Variants in TRAF2 observed in about 807,000 individuals in gnomAD.
The protein encoded by TRAF2 is TNF receptor-associated factor 2.
Under a neutral mutation model 55.6 loss-of-function variants are expected in TRAF2, and 6 were observed. That is an observed-to-expected ratio of 0.11 (90% CI 0.06 to 0.21). The LOEUF (loss-of-function observed/expected upper bound fraction) is 0.21, where lower values mean the gene tolerates loss of function less well. Ranked by LOEUF, TRAF2 falls within the 10% of genes least tolerant of loss-of-function variation. The probability of loss-of-function intolerance (pLI) is 1.00; values close to 1 mark genes in which losing one functional copy is unlikely to be tolerated. For missense variants in TRAF2, 561 were observed against 684.5 expected, an observed-to-expected ratio of 0.82 and a Z score of 2.01; for synonymous variants, 329 against 276.3, an observed-to-expected ratio of 1.19 and a Z score of -1.89.
chr9:136,912,978 C>G (rs1391776866), intron 6 of TRAF2, among the ~76,000 whole-genome samples: 5 of 152,124 alleles, frequency 3.3e-5, no homozygotes, highest in Admixed American at 3.3e-4. Context: ...ACTAAAAATA[C>G]AAAAATTAGC....
At chr9:136,897,402 G>A (rs1849704134) in intron 1 of TRAF2, among the ~76,000 whole-genome samples, 1 of 152,238 alleles carries the variant, frequency 6.6e-6, no homozygotes, top group Admixed American at 6.5e-5. Flanking sequence ...TGCCAGGGCA[G>A]GGCTGGCACA....
intron 6 of TRAF2, among the ~76,000 whole-genome samples, chr9:136,910,993 G>A (rs541361585): frequency 9.8e-5 from 15 of 152,332 alleles, no homozygotes; most frequent in Non-Finnish European, 1.5e-4. Flanking sequence ...CCTGGGGCCC[G>A]TGTCTGTGAG....
chr9:136,899,569 GTT>G, intron 2 of TRAF2, 23 bp from the exon 3 acceptor site: 2 of 1,599,532 alleles, frequency 1.3e-6, no homozygotes, highest in Non-Finnish European at 1.7e-6. Context: ...ACAGTGGGTT[GTT>G]TTTTGCCTTT....
chr9:136,926,251 C>A lies in TRAF2; in HGVS notation c.*350C>A. 4.8e-6 allele frequency: 2 copies of A among 414,648 alleles called. No homozygotes were observed. The highest frequency in any genetic ancestry group is 9.3e-6 in the Non-Finnish European group (2 of 215,582). The allele number at this position is 414,648 out of a possible 1,614,324, so 25.7% of individuals were successfully genotyped here. On this transcript the variant is annotated 3_prime_UTR_variant, in exon 11 of 11. Coordinates refer to ENST00000247668, the MANE Select transcript of TRAF2 (RefSeq NM_021138.4). ...CACTCAGAGTGGGAGCACATCCCAG[C>A]AGTGCCCATGTAGCAGGAGCACAGT...
chr9:136,915,455 A>G (rs1255154114), intron 6 of TRAF2, among the ~76,000 whole-genome samples: 1 of 152,006 alleles, frequency 6.6e-6, no homozygotes, highest in South Asian at 2.1e-4. Flanking sequence ...GATCCAGCCA[A>G]CCGTAGGTTG....
chr9:136,908,123 A>G lies in TRAF2; in HGVS notation c.420A>G (p.Lys140=). ...PLMLTECPAC[K]GLVRLGEKER... is the part of the protein sequence containing the mutation. ...TGCTGACCGAATGTCCCGCGTGCAA[A>G]GGCCTGGTCCGCCTTGGTGAAAAGG... Residue 140 remains lysine, a synonymous_variant, in exon 5 of 11, where the codon AAA becomes AAG. Coordinates refer to ENST00000247668, the MANE Select transcript of TRAF2 (RefSeq NM_021138.4). 1 of 1,605,986 alleles carries G rather than the reference A, an allele frequency of 6.2e-7. No homozygotes were observed. The highest frequency in any genetic ancestry group is 8.5e-7 in the Non-Finnish European group (1 of 1,179,920).
intron 4 of TRAF2, among the ~76,000 whole-genome samples, chr9:136,906,614 A>T (rs111950398): frequency 2.6e-5 from 4 of 152,184 alleles, no homozygotes; most frequent in African/African-American, 9.7e-5. Context: ...CAGCCAAACC[A>T]TATCAGTGAC....
chr9:136,887,184 TGGGCTGCGGTGGACC>T (rs1325823551), intron 1 of TRAF2, among the ~76,000 whole-genome samples: 2 of 151,628 alleles, frequency 1.3e-5, no homozygotes, highest in Admixed American at 6.6e-5. Context: ...AGTGCGGGGA[TGGGCTGCGGTGGACC>T]GGGCCGGGAT....
intron 4 of TRAF2, 86 bp from the exon 5 acceptor site, chr9:136,907,984 T>C (rs572362646): frequency 1.2e-5 from 18 of 1,513,998 alleles, no homozygotes; most frequent in Non-Finnish European, 1.6e-5. Context: ...AAGCCAGCGC[T>C]ACATCGCCTT....
At chr9:136,910,021 A>G in intron 6 of TRAF2, 27 bp downstream of exon 6, 2 of 1,607,988 alleles carry the variant, frequency 1.2e-6, no homozygotes, top group Non-Finnish European at 1.7e-6. Context: ...TCCTTGGAGG[A>G]CCGCAGGGCG....
At chr9:136,903,317 C>T (rs1375601276) in intron 4 of TRAF2, among the ~76,000 whole-genome samples, 2 of 152,182 alleles carry the variant, frequency 1.3e-5, no homozygotes, top group Non-Finnish European at 2.9e-5. Flanking sequence ...AATAGCAGAA[C>T]TGAATTCCCC....
At chr9:136,897,091 T>A (rs1849697195) in intron 1 of TRAF2, among the ~76,000 whole-genome samples, 1 of 152,090 alleles carries the variant, frequency 6.6e-6, no homozygotes, top group Non-Finnish European at 1.5e-5. Flanking sequence ...AGGGGCTCCA[T>A]GTTCAGAAGG....
rs944614781 is a variant in TRAF2, at chr9:136,917,755, C to A, written c.678+1140C>A. Reference sequence around the variant, plus strand: ...AAAGGAGCGTGGCTGCTTCCATTTTCTTTGTCTGCGTTGGATAGTCTTCTG... The same window carrying A: ...AAAGGAGCGTGGCTGCTTCCATTTTATTTGTCTGCGTTGGATAGTCTTCTG... On this transcript the variant is annotated intron_variant, in intron 7 of 10. Transcript: ENST00000247668. Among the ~76,000 whole-genome samples the A allele has an allele frequency of 6.6e-5, 10 of 152,278 alleles. No individual in the cohort carries two copies. The East Asian group carries it at 1.5e-3, about 24-fold the overall frequency.
At chr9:136,900,856 C>G (rs1270998782) in intron 4 of TRAF2, among the ~76,000 whole-genome samples, 1 of 152,058 alleles carries the variant, frequency 6.6e-6, no homozygotes, top group East Asian at 1.9e-4. Context: ...CTGTGTGAGC[C>G]CTGGGAATGC....
At chr9:136,921,353 C>T (rs1850380489) in intron 9 of TRAF2, 138 bp downstream of exon 9, 3 of 1,135,438 alleles carry the variant, frequency 2.6e-6, no homozygotes, top group Middle Eastern at 2.9e-4. Flanking sequence ...AGCAGCTACA[C>T]CTCCCTGAGT....
chr9:136,926,166 T>G lies in TRAF2; in HGVS notation c.*265T>G, dbSNP rs1564425088. 1.6e-6 allele frequency: 1 copy of G among 633,446 alleles called. No homozygotes were observed. The allele number at this position is 633,446 out of a possible 1,614,324, so 39.2% of individuals were successfully genotyped here. On this transcript the variant is annotated 3_prime_UTR_variant, in exon 11 of 11. Transcript: ENST00000247668. ...CATTGGCCGAGGGTCTTCGGGTGCT[T>G]CCCAGCACAAGCTGCCCTTGCTGTC...
rs1432309456 is a variant in TRAF2, at chr9:136,920,216, C to T, written c.679-18C>T. 8 of 1,596,240 alleles carry T rather than the reference C, an allele frequency of 5.0e-6. No homozygotes were observed. The highest frequency in any genetic ancestry group is 6.8e-6 in the Non-Finnish European group (8 of 1,171,094). Reference sequence around the variant, plus strand: ...AATGGTGGATGGAGCCAGCAGCCTCCCTGCCCTGTGTCCGCAGGTAGAGGG... The same window carrying T: ...AATGGTGGATGGAGCCAGCAGCCTCTCTGCCCTGTGTCCGCAGGTAGAGGG... On this transcript the variant is annotated intron_variant, in intron 7 of 10. Coordinates refer to ENST00000247668, the MANE Select transcript of TRAF2 (RefSeq NM_021138.4).
rs771594805 is a variant in TRAF2, at chr9:136,898,805, C to T, written c.65C>T (p.Thr22Ile). The T allele has an allele frequency of 6.2e-7, 1 of 1,613,786 alleles. No individual in the cohort carries two copies. Among genetic ancestry groups the T allele is most frequent in the East Asian group, 2.2e-5 (1 of 44,884 alleles). Residue 22 changes from threonine to isoleucine, a missense_variant, in exon 2 of 11, where the codon ACC becomes ATC. Physicochemically the swap from Thr to Ile is moderately conservative, Grantham distance 89. Around this residue, in one of 2 missense-constraint regions of TRAF2, gnomAD observed 426 missense variants for 476.8 expected, o/e 0.89. Coordinates refer to ENST00000247668, the MANE Select transcript of TRAF2 (RefSeq NM_021138.4). ...TTGCTACAGCCCGGCTTCTCCAAGACCCTCCTGGGGACCAAGCTGGAAGCC... is the reference window on the plus strand; with the variant it reads ...TTGCTACAGCCCGGCTTCTCCAAGATCCTCCTGGGGACCAAGCTGGAAGCC... ...LELLQPGFSK[T>I]LLGTKLEAKY...
At position 136,922,728 on chromosome 9, in the gene TRAF2, C is replaced by T. The variant is rs547933999; in HGVS notation, c.1139-1124C>T. 1.1e-4 allele frequency among the ~76,000 whole-genome samples: 8 copies of T among 70,746 alleles called. 1 individual carries two copies. The South Asian group carries it at 1.6e-3, about 14-fold the overall frequency. The allele number at this position is 70,746 out of a possible 152,430, so 46.4% of individuals were successfully genotyped here. Reference sequence around the variant, plus strand: ...ATGGGCCTGGGCACGTGGTGGAGGACGGGGACGGGGAGGATGGGCCTGGGC... The same window carrying T: ...ATGGGCCTGGGCACGTGGTGGAGGATGGGGACGGGGAGGATGGGCCTGGGC... On this transcript the variant is annotated intron_variant, in intron 9 of 10. Coordinates refer to ENST00000247668, the MANE Select transcript of TRAF2 (RefSeq NM_021138.4).
Sources: gnomAD v4.1 joint callset for allele counts (sites outside exome capture counted in the v4.1 genomes callset) on GRCh38, gnomAD v4.1.1 for gene constraint, gnomAD v4.1.1 regional missense constraint, MANE v1.5 for transcripts, NCBI Gene and HGNC (gene_info 2026-07-23, HGNC 2026-07-21) for gene names.